Variants in FRMPD4 observed in about 807,000 individuals in gnomAD.
FRMPD4 encodes the protein FERM and PDZ domain containing 4, also known as FERM and PDZ domain-containing protein 4.
In FRMPD4, 22 loss-of-function variants were observed where a neutral mutation model predicts 94.1. That is an observed-to-expected ratio of 0.23 (90% CI 0.17 to 0.33). The LOEUF (loss-of-function observed/expected upper bound fraction) is 0.33, where lower values mean the gene tolerates loss of function less well. FRMPD4 is among the 10% of genes least tolerant of loss of function. The pLI is 1.00. For synonymous variants in FRMPD4, 631 were observed against 548.6 expected, an observed-to-expected ratio of 1.15 and a Z score of -2.10; for missense variants, 1,111 against 1,339.9, an observed-to-expected ratio of 0.83 and a Z score of 2.67.
chrX:12,221,153 A>G (rs976715114), intron 1 of FRMPD4, among the ~76,000 whole-genome samples: 1 of 112,070 alleles, frequency 8.9e-6, no homozygotes, highest in African/African-American at 3.2e-5. Context: ...ATTTTTGCAA[A>G]ACACTTAAGT....
chrX:12,141,648 T>TA (rs1167418359), intron 1 of FRMPD4, among the ~76,000 whole-genome samples: 2 of 110,041 alleles, frequency 1.8e-5, no homozygotes, highest in Non-Finnish European at 3.8e-5. Flanking sequence ...CATCATCAGT[T>TA]AGAGTTATGA....
intron 1 of FRMPD4, among the ~76,000 whole-genome samples, chrX:12,297,149 C>T (rs764966558): frequency 6.7e-4 from 75 of 112,605 alleles, no homozygotes; most frequent in Non-Finnish European, 1.2e-3. Flanking sequence ...TAAAGGATAG[C>T]GCTACACAAA....
intron 8 of FRMPD4, among the ~76,000 whole-genome samples, chrX:12,691,090 CTTG>C (rs1323277208): frequency 1.8e-5 from 2 of 111,734 alleles, no homozygotes; most frequent in Admixed American, 9.5e-5. Context: ...GTGCTTCTTC[CTTG>C]TTGTATATAA....
intron 1 of FRMPD4, among the ~76,000 whole-genome samples, chrX:12,161,487 A>G (rs2056025168): frequency 1.8e-5 from 2 of 112,216 alleles, no homozygotes; most frequent in South Asian, 7.5e-4. Flanking sequence ...AGCATTTTAT[A>G]AACAATAGCT....
intron 1 of FRMPD4, among the ~76,000 whole-genome samples, chrX:12,471,896 G>A (rs1384868796): frequency 2.7e-5 from 3 of 111,860 alleles, no homozygotes; most frequent in African/African-American, 9.8e-5. Flanking sequence ...TGTTCACCAT[G>A]AGGTGATGAC....
chrX:11,837,491 T>C (rs761508259), intron 1 of FRMPD4, among the ~76,000 whole-genome samples: 1 of 111,491 alleles, frequency 9.0e-6, no homozygotes, highest in East Asian at 2.8e-4. Context: ...GCAACAAAAA[T>C]AGATTCATGT....
At chrX:12,291,552 G>A (rs1270456395) in intron 1 of FRMPD4, among the ~76,000 whole-genome samples, 1 of 111,823 alleles carries the variant, frequency 8.9e-6, no homozygotes, top group African/African-American at 3.3e-5. Flanking sequence ...TTCTACATGG[G>A]TATCCTACAG....
intron 1 of FRMPD4, among the ~76,000 whole-genome samples, chrX:12,196,632 T>C (rs1191455610): frequency 9.3e-6 from 1 of 106,988 alleles, no homozygotes; most frequent in Non-Finnish European, 1.9e-5. Flanking sequence ...AGAAAGTTTA[T>C]ATATATATAA....
intron 2 of FRMPD4, among the ~76,000 whole-genome samples, chrX:12,564,828 TGAGAGAGAGAGA>T (rs62871260): frequency 9.7e-6 from 1 of 103,300 alleles, no homozygotes; most frequent in African/African-American, 3.5e-5. Flanking sequence ...AGGAAATGCT[TGAGAGAGAGAGA>T]GAGAGAGAGA....
chrX:12,354,509 G>T (rs914699566), intron 1 of FRMPD4, among the ~76,000 whole-genome samples: 2 of 112,134 alleles, frequency 1.8e-5, no homozygotes, highest in African/African-American at 6.5e-5. Context: ...ACAAAGCTGA[G>T]TTCATTTTCA....
At chrX:11,948,370 G>T (rs752153554) in intron 3 of FRMPD4, among the ~76,000 whole-genome samples, 1 of 111,233 alleles carries the variant, frequency 9.0e-6, no homozygotes, top group Non-Finnish European at 1.9e-5. Context: ...GAGATCTTTT[G>T]CTCTCTTTTT....
At chrX:12,032,916 G>A (rs766109420) in intron 3 of FRMPD4, among the ~76,000 whole-genome samples, 17 of 112,087 alleles carry the variant, frequency 1.5e-4, no homozygotes, top group Non-Finnish European at 1.9e-4. Flanking sequence ...TGTGAGGCTC[G>A]GAAATGTGTA....
chrX:12,449,998 G>GA (rs1400863811), intron 1 of FRMPD4, among the ~76,000 whole-genome samples: 4 of 106,357 alleles, frequency 3.8e-5, no homozygotes, highest in Non-Finnish European at 5.8e-5. Context: ...CAAAAGAAAA[G>GA]AAAAAAAAAG....
intron 3 of FRMPD4, among the ~76,000 whole-genome samples, chrX:12,123,342 T>G (rs2055473286): frequency 9.0e-6 from 1 of 110,597 alleles, no homozygotes; most frequent in African/African-American, 3.3e-5. Flanking sequence ...TTCACCATGT[T>G]GGCCAAGTTG....
chrX:12,393,069 C>T (rs1480671158), intron 1 of FRMPD4, among the ~76,000 whole-genome samples: 1 of 112,572 alleles, frequency 8.9e-6, no homozygotes, highest in African/African-American at 3.2e-5. Context: ...GCAGGGACTG[C>T]AAATCCAGTT....
chrX:11,960,608 C>G (rs761959460), intron 3 of FRMPD4, among the ~76,000 whole-genome samples: 1 of 112,137 alleles, frequency 8.9e-6, no homozygotes, highest in African/African-American at 3.2e-5. Flanking sequence ...TGCCATATCT[C>G]CTTATGGATT....
At chrX:12,204,093 A>G (rs1210294239) in intron 1 of FRMPD4, among the ~76,000 whole-genome samples, 1 of 112,095 alleles carries the variant, frequency 8.9e-6, no homozygotes, top group Non-Finnish European at 1.9e-5. Flanking sequence ...TCAATGGGGC[A>G]GTTTGGATTC....
intron 1 of FRMPD4, among the ~76,000 whole-genome samples, chrX:12,294,195 G>A (rs1343788715): frequency 2.7e-5 from 3 of 111,325 alleles, no homozygotes; most frequent in African/African-American, 6.6e-5. Flanking sequence ...TGTCCCTGGA[G>A]GGTGTCCCTA....
At chrX:12,330,938 G>A (rs1172258142) in intron 1 of FRMPD4, among the ~76,000 whole-genome samples, 1 of 111,700 alleles carries the variant, frequency 9.0e-6, no homozygotes, top group Non-Finnish European at 1.9e-5. Flanking sequence ...ATTTACAGCA[G>A]GGATTAGCAA....
Sources: gnomAD v4.1 joint callset for allele counts (sites outside exome capture counted in the v4.1 genomes callset) on GRCh38, gnomAD v4.1.1 for gene constraint, MANE v1.5 for transcripts, NCBI Gene and HGNC (gene_info 2026-07-23, HGNC 2026-07-21) for gene names.